FBXL2: variants seen among roughly 807,000 people sequenced by gnomAD.
FBXL2 encodes the protein F-box and leucine rich repeat protein 2, also known as F-box/LRR-repeat protein 2.
In FBXL2, 38 loss-of-function variants were observed where a neutral mutation model predicts 69.2. That is an observed-to-expected ratio of 0.55 (90% CI 0.42 to 0.72). The LOEUF (loss-of-function observed/expected upper bound fraction) is 0.72, where lower values mean the gene tolerates loss of function less well. Ranked by LOEUF, FBXL2 falls within the 30% of genes least tolerant of loss-of-function variation. The pLI, the probability that FBXL2 is intolerant of heterozygous loss-of-function variation, is 0.00. For synonymous variants in FBXL2, 192 were observed against 201.3 expected, an observed-to-expected ratio of 0.95 and a Z score of 0.39; for missense variants, 354 against 520.3, an observed-to-expected ratio of 0.68 and a Z score of 3.11.
At chr3:33,318,781 G>A (rs1243998852) in intron 2 of FBXL2, among the ~76,000 whole-genome samples, 1 of 152,132 alleles carries the variant, frequency 6.6e-6, no homozygotes, top group Non-Finnish European at 1.5e-5. Flanking sequence ...AATTCGGTGT[G>A]TGAAAGGTCA....
chr3:33,294,644 G>A (rs1285769930), intron 1 of FBXL2, among the ~76,000 whole-genome samples: 1 of 152,050 alleles, frequency 6.6e-6, no homozygotes. Context: ...TTCAAGACCA[G>A]CCTGGGCAAC....
At chr3:33,342,118 C>T (rs1338866171) in intron 2 of FBXL2, among the ~76,000 whole-genome samples, 1 of 150,068 alleles carries the variant, frequency 6.7e-6, no homozygotes, top group African/African-American at 2.5e-5. Flanking sequence ...CATTCTCCTG[C>T]CTCAGCCTCT....
intron 2 of FBXL2, among the ~76,000 whole-genome samples, chr3:33,355,373 T>C (rs2041128443): frequency 6.6e-6 from 1 of 152,268 alleles, no homozygotes; most frequent in Admixed American, 6.5e-5. Flanking sequence ...ATCATGTTTC[T>C]GGATTGGAAG....
At chr3:33,359,053 A>T in intron 3 of FBXL2, 32 bp downstream of exon 3, 1 of 1,424,494 alleles carries the variant, frequency 7.0e-7, no homozygotes, top group Non-Finnish European at 9.5e-7. Context: ...TTAATCAATA[A>T]ATATCAAGTT....
In FBXL2 at chr3:33,375,306, G is replaced by A; in HGVS notation, c.676G>A (p.Val226Met). The A allele has an allele frequency of 1.2e-6, 2 of 1,614,150 alleles. No homozygotes were observed. The highest frequency in any genetic ancestry group is 1.7e-6 in the Non-Finnish European group (2 of 1,179,976). The change falls in exon 10 of 15, where the codon GTG becomes ATG. Residue 226 changes from valine (V) to methionine (M), a missense_variant. Physicochemically the swap from Val to Met is conservative, Grantham distance 21 (BLOSUM62 1). Transcript: ENST00000484457. ...QSCSRITDEG[V>M]VQICRGCHRL... is the part of the protein sequence containing the mutation. ...TCCTCAGCGTATCACGGATGAAGGT[G>A]TGGTGCAGATATGCAGGGGCTGTCA... is the stretch of plus-strand genomic sequence containing the variant.
intron 12 of FBXL2, among the ~76,000 whole-genome samples, chr3:33,398,798 C>T (rs1244809966): frequency 2.0e-5 from 3 of 152,204 alleles, no homozygotes; most frequent in Non-Finnish European, 4.4e-5. Context: ...CAAATGTCGG[C>T]GCTTTTTCTA....
chr3:33,420,414 C>T, the FBXL2 span, among the ~76,000 whole-genome samples: 18 of 152,004 alleles, frequency 1.2e-4, no homozygotes, highest in African/African-American at 4.3e-4. Flanking sequence ...CAACCTCCCT[C>T]TCCCAAATTC....
the FBXL2 span, among the ~76,000 whole-genome samples, chr3:33,420,307 T>G: frequency 1.3e-5 from 2 of 152,112 alleles, no homozygotes; most frequent in African/African-American, 4.8e-5. Context: ...TCTAGGGACT[T>G]ATAGCTGTAC....
At chr3:33,294,106 A>AT (rs1163913254) in intron 1 of FBXL2, among the ~76,000 whole-genome samples, 1 of 151,992 alleles carries the variant, frequency 6.6e-6, no homozygotes, top group South Asian at 2.1e-4. Context: ...AATAACATTT[A>AT]TTTTTTTTGA....
chr3:33,280,725 A>G (rs2033892724), intron 1 of FBXL2, among the ~76,000 whole-genome samples: 1 of 151,588 alleles, frequency 6.6e-6, no homozygotes, highest in Admixed American at 6.6e-5. Flanking sequence ...AAAAAAAAAA[A>G]AAAAAAAAGA....
At chr3:33,381,492 A>G (rs1200735956) in intron 13 of FBXL2, among the ~76,000 whole-genome samples, 1 of 152,146 alleles carries the variant, frequency 6.6e-6, no homozygotes, top group East Asian at 1.9e-4. Flanking sequence ...TAAAAATACA[A>G]AATTAGCCAG....
At chr3:33,346,558 C>G (rs1437252794) in intron 2 of FBXL2, among the ~76,000 whole-genome samples, 1 of 151,572 alleles carries the variant, frequency 6.6e-6, no homozygotes, top group African/African-American at 2.4e-5. Flanking sequence ...GACCCCGTCT[C>G]TAAAAATAAA....
chr3:33,398,541 G>T (rs1177840113), intron 12 of FBXL2: 2 of 152,488 alleles, frequency 1.3e-5, no homozygotes, highest in Non-Finnish European at 2.9e-5. Context: ...TGCCCCCAAG[G>T]ATCAGAGCAA....
intron 2 of FBXL2, among the ~76,000 whole-genome samples, chr3:33,343,683 TA>T (rs2040235509): frequency 6.6e-6 from 1 of 152,126 alleles, no homozygotes; most frequent in African/African-American, 2.4e-5. Context: ...CTTCCAATTA[TA>T]TAGTGTAATT....
chr3:33,278,232 G>C (rs1317414495), intron 1 of FBXL2: 1 of 152,176 alleles, frequency 6.6e-6, no homozygotes, highest in Non-Finnish European at 1.5e-5. Context: ...TTTTAAAAAC[G>C]TTGCTCGGTT....
At chr3:33,325,592 A>G (rs2038626425) in intron 2 of FBXL2, among the ~76,000 whole-genome samples, 1 of 152,180 alleles carries the variant, frequency 6.6e-6, no homozygotes, top group Non-Finnish European at 1.5e-5. Flanking sequence ...TTCTTCATCT[A>G]GGGATTCAAT....
chr3:33,399,638 T>A (rs775397216), intron 12 of FBXL2, among the ~76,000 whole-genome samples: 5 of 152,134 alleles, frequency 3.3e-5, no homozygotes, highest in African/African-American at 1.2e-4. Flanking sequence ...TGCCAAGGAC[T>A]AGGGATGGTG....
At chr3:33,417,452 GTA>G in the FBXL2 span, among the ~76,000 whole-genome samples, 1 of 152,266 alleles carries the variant, frequency 6.6e-6, no homozygotes, top group South Asian at 2.1e-4. Flanking sequence ...CCCATATGTA[GTA>G]TATATCAGTC....
intron 2 of FBXL2, among the ~76,000 whole-genome samples, chr3:33,302,824 T>C (rs551568856): frequency 6.6e-6 from 1 of 152,230 alleles, no homozygotes; most frequent in Non-Finnish European, 1.5e-5. Context: ...CACAATTTCA[T>C]ATAATACAAC....
Sources: allele counts gnomAD v4.1 joint callset (sites outside exome capture counted in the v4.1 genomes callset), GRCh38; gene constraint gnomAD v4.1.1; transcripts MANE v1.5; gene names NCBI Gene and HGNC (gene_info 2026-07-23, HGNC 2026-07-21).